Variants in RPL26L1 observed in about 807,000 individuals in gnomAD.
RPL26L1 encodes ribosomal protein L26 like 1.
Under a neutral mutation model 15.2 loss-of-function variants are expected in RPL26L1, and 8 were observed. That is an observed-to-expected ratio of 0.53 (90% CI 0.31 to 0.95). RPL26L1 has a LOEUF of 0.95. Ranked by LOEUF, RPL26L1 falls within the 40% of genes least tolerant of loss-of-function variation. RPL26L1 has a pLI of 0.05. For missense variants in RPL26L1, 146 were observed against 190.9 expected, an observed-to-expected ratio of 0.76 and a Z score of 1.39; for synonymous variants, 51 against 65.9, an observed-to-expected ratio of 0.77 and a Z score of 1.09.
chr5:172,960,182 A>G (rs1034116505), intron 2 of RPL26L1, 141 bp downstream of exon 2: 2 of 910,048 alleles, frequency 2.2e-6, no homozygotes, highest in African/African-American at 3.3e-5. Flanking sequence ...GATAGGGTTC[A>G]GAGCCACCAG....
At chr5:172,962,424 C>T (rs1276026961) in intron 2 of RPL26L1, among the ~76,000 whole-genome samples, 1 of 152,154 alleles carries the variant, frequency 6.6e-6, no homozygotes, top group Non-Finnish European at 1.5e-5. Context: ...ATGACAATCG[C>T]TTGAACCCGG....
upstream of RPL26L1, chr5:172,958,470 T>C (rs1755069421): frequency 2.2e-6 from 1 of 455,926 alleles, no homozygotes; most frequent in Non-Finnish European, 4.4e-6. Context: ...ATGGAATGAA[T>C]GAACGAAAGG....
upstream of RPL26L1, chr5:172,959,065 A>C (rs1380059120): frequency 6.6e-6 from 1 of 152,302 alleles, no homozygotes; most frequent in Non-Finnish European, 1.5e-5. Flanking sequence ...TACTAAAAAT[A>C]CAAAAAATTA....
upstream of RPL26L1, chr5:172,956,115 A>G (rs1474117629): frequency 3.3e-5 from 5 of 152,228 alleles, no homozygotes; most frequent in Admixed American, 3.3e-4. Flanking sequence ...AATTACACAA[A>G]TAACACAGGC....
At chr5:172,957,623 G>C (rs1053140496), upstream of RPL26L1, 1 of 245,234 alleles carries the variant, frequency 4.1e-6, no homozygotes, top group Non-Finnish European at 8.2e-6. Context: ...GAGTGAGTGA[G>C]TGAATGAATG....
rs946388666 is a variant in RPL26L1, at chr5:172,959,453, G to A, written c.-25G>A. 5 of 1,014,502 alleles carry A rather than the reference G, an allele frequency of 4.9e-6. No homozygotes were observed. In the African/African-American group the frequency reaches 6.8e-5, roughly 14 times the overall value. The allele number at this position is 1,014,502 out of a possible 1,614,324, so 62.8% of individuals were successfully genotyped here. A position where few individuals can be genotyped will look rare whatever the true frequency, so the allele number is the denominator to read the frequency against. On this transcript the variant is annotated 5_prime_UTR_variant, in exon 1 of 4. Transcript: ENST00000265100. ...CCGGCCCTGCGCACTCAGGGTCTGA[G>A]GCAGCTAGTAGCCGGGTGAGTGGAG...
At chr5:172,967,471 T>C (rs1227876386) in intron 2 of RPL26L1, among the ~76,000 whole-genome samples, 1 of 151,358 alleles carries the variant, frequency 6.6e-6, no homozygotes, top group Non-Finnish European at 1.5e-5. Context: ...GTGTCAAAAA[T>C]AAATAAATAA....
At position 172,959,689 on chromosome 5, in the gene RPL26L1, C is replaced by T. The variant is rs73329204; in HGVS notation, c.-9-176C>T. 4.6e-6 allele frequency: 5 copies of T among 1,081,754 alleles called. No homozygotes were observed. The South Asian group carries it at 7.7e-5, about 17-fold the overall frequency. The allele number at this position is 1,081,754 out of a possible 1,614,324, so 67.0% of individuals were successfully genotyped here. A position where few individuals can be genotyped will look rare whatever the true frequency, so the allele number is the denominator to read the frequency against. On this transcript the variant is annotated intron_variant, in intron 1 of 3. Transcript: ENST00000265100. ...ACGGGCATGCGACCTCCACACACGC[C>T]TCACTTTATGTGATAGTCAGACTAG...
upstream of RPL26L1, chr5:172,958,939 G>A (rs114985587): frequency 0.016 from 2,501 of 153,756 alleles, 80 homozygotes; most frequent in African/African-American, 0.057. Flanking sequence ...AAAAGTAGAG[G>A]TAGGAGGGCG....
At chr5:172,959,609 T>G (rs1755139573) in intron 1 of RPL26L1, 141 bp downstream of exon 1, 1 of 1,254,448 alleles carries the variant, frequency 8.0e-7, no homozygotes, top group Non-Finnish European at 1.0e-6. Flanking sequence ...AACCCTAGCA[T>G]TCCTTCCTCA....
At chr5:172,967,911 A>G (rs1465304410) in intron 2 of RPL26L1, among the ~76,000 whole-genome samples, 1 of 151,666 alleles carries the variant, frequency 6.6e-6, no homozygotes, top group Non-Finnish European at 1.5e-5. Flanking sequence ...ATAAATACAT[A>G]TACGCACATA....
Position 172,959,960 on chromosome 5 carries a change from C to A in RPL26L1, c.87C>A (p.Ile29=). 1 of 1,614,216 alleles carries A rather than the reference C, an allele frequency of 6.2e-7. No homozygotes were observed. Among genetic ancestry groups the A allele is most frequent in the Non-Finnish European group, 8.5e-7 (1 of 1,180,040 alleles). ...FNAPSHVRRK[I]MSSPLSKELR... is the part of the protein sequence containing the mutation. ...CCCCCTCACACGTGCGCAGGAAGAT[C>A]ATGTCATCCCCGCTCTCCAAGGAGC... is the stretch of plus-strand genomic sequence containing the variant. The change falls in exon 2 of 4, where the codon ATC becomes ATA. Residue 29 remains isoleucine (I), a synonymous_variant. Coordinates refer to ENST00000265100, the MANE Select transcript of RPL26L1 (RefSeq NM_016093.4).
chr5:172,966,355 T>C, intron 2 of RPL26L1, among the ~76,000 whole-genome samples: 1 of 89,214 alleles, frequency 1.1e-5, no homozygotes. Flanking sequence ...AGAGACGGGG[T>C]CTTGCTATGT....
At chr5:172,966,668 C>A (rs1171959173) in intron 2 of RPL26L1, among the ~76,000 whole-genome samples, 3 of 152,044 alleles carry the variant, frequency 2.0e-5, no homozygotes, top group Admixed American at 1.3e-4. Flanking sequence ...CAGGTGTGTC[C>A]TGAGAGTCTC....
upstream of RPL26L1, chr5:172,957,203 G>A (rs6861195): frequency 9.8e-3 from 4,488 of 456,224 alleles, 155 homozygotes; most frequent in African/African-American, 0.081. Flanking sequence ...CATGTTTCCA[G>A]GGGTGGGCAT....
intron 2 of RPL26L1, among the ~76,000 whole-genome samples, chr5:172,963,634 A>G (rs1041492425): frequency 1.3e-5 from 2 of 152,198 alleles, no homozygotes; most frequent in Admixed American, 1.3e-4. Context: ...TCCTCAGAGA[A>G]GCCTTCCCAG....
chr5:172,968,151 G>A (rs1394676777), intron 2 of RPL26L1, among the ~76,000 whole-genome samples: 2 of 151,888 alleles, frequency 1.3e-5, no homozygotes, highest in Admixed American at 6.6e-5. Context: ...CAAGCATTTC[G>A]AATAAGGGAT....
At chr5:172,967,778 A>G (rs1255494712) in intron 2 of RPL26L1, among the ~76,000 whole-genome samples, 1 of 149,884 alleles carries the variant, frequency 6.7e-6, no homozygotes, top group African/African-American at 2.5e-5. Flanking sequence ...ACACATATAT[A>G]CGTATGTATA....
chr5:172,967,438 C>T (rs999123780), intron 2 of RPL26L1, among the ~76,000 whole-genome samples: 3 of 151,798 alleles, frequency 2.0e-5, no homozygotes, highest in African/African-American at 7.3e-5. Flanking sequence ...GCCCTCCAGC[C>T]TGGGGGAACA....
Sources: gnomAD v4.1 joint callset for allele counts (sites outside exome capture counted in the v4.1 genomes callset) on GRCh38, gnomAD v4.1.1 for gene constraint, MANE v1.5 for transcripts, NCBI Gene and HGNC (gene_info 2026-07-23, HGNC 2026-07-21) for gene names.